Variants in PRKG2 observed in about 807,000 individuals in gnomAD.
PRKG2 encodes protein kinase cGMP-dependent 2.
Under a neutral mutation model 97.2 loss-of-function variants are expected in PRKG2, and 33 were observed. That is an observed-to-expected ratio of 0.34 (90% confidence interval 0.26 to 0.45). The LOEUF (loss-of-function observed/expected upper bound fraction) is 0.45. Among genes scored for constraint, PRKG2 ranks in the 20% least tolerant of loss-of-function variants. The probability of loss-of-function intolerance (pLI) is 1.00; values close to 1 mark genes in which losing one functional copy is unlikely to be tolerated. For missense variants in PRKG2, 638 were observed against 900.0 expected (o/e 0.71, Z 3.73); for synonymous variants, 330 against 321.8 (o/e 1.03, Z -0.27).
intron 2 of PRKG2, among the ~76,000 whole-genome samples, chr4:81,188,348 G>A (rs1221530011): frequency 6.7e-6 from 1 of 149,402 alleles, no homozygotes; most frequent in Non-Finnish European, 1.5e-5. Flanking sequence ...AGTTAGAATG[G>A]CAATCATTAA....
chr4:81,173,739 A>T (rs1055761949), intron 3 of PRKG2: 14 of 152,006 alleles, frequency 9.2e-5, no homozygotes, highest in African/African-American at 3.4e-4. Context: ...AGAATAATAC[A>T]TGTTTATTAA....
intron 14 of PRKG2, among the ~76,000 whole-genome samples, chr4:81,125,034 C>T (rs1208439900): frequency 2.6e-5 from 4 of 152,026 alleles, no homozygotes; most frequent in African/African-American, 9.7e-5. Flanking sequence ...TTTCATTTCT[C>T]TTTCTTATGT....
intron 8 of PRKG2, among the ~76,000 whole-genome samples, chr4:81,151,674 A>G (rs1173361165): frequency 1.3e-5 from 2 of 152,062 alleles, no homozygotes; most frequent in Non-Finnish European, 2.9e-5. Flanking sequence ...TACAAGTGTA[A>G]TTTTTCCATT....
intron 14 of PRKG2, among the ~76,000 whole-genome samples, chr4:81,114,864 C>T (rs1420944392): frequency 6.6e-6 from 1 of 152,022 alleles, no homozygotes; most frequent in Non-Finnish European, 1.5e-5. Context: ...TCCTTAAATA[C>T]TTTATAGTTT....
chr4:81,137,511 T>A (rs774328427), intron 12 of PRKG2, 29 bp from the exon 13 acceptor site: 1 of 1,554,132 alleles, frequency 6.4e-7, no homozygotes, highest in African/African-American at 1.4e-5. Flanking sequence ...ACATGGTTAT[T>A]ATTGGAAATC....
chr4:81,174,997 G>A (rs1396114360), intron 2 of PRKG2, 38 bp from the exon 3 acceptor site: 2 of 1,507,378 alleles, frequency 1.3e-6, no homozygotes, highest in Non-Finnish European at 1.8e-6. Flanking sequence ...TACAATTAAT[G>A]AAAATCATGT....
At chr4:81,118,339 C>G (rs761148860) in intron 14 of PRKG2, among the ~76,000 whole-genome samples, 4 of 152,182 alleles carry the variant, frequency 2.6e-5, no homozygotes, top group Non-Finnish European at 4.4e-5. Context: ...TTTTCAACTG[C>G]TTTCCATGAA....
At chr4:81,164,555 G>A (rs1376956160) in intron 6 of PRKG2, among the ~76,000 whole-genome samples, 1 of 151,980 alleles carries the variant, frequency 6.6e-6, no homozygotes, top group Non-Finnish European at 1.5e-5. Context: ...AGAGGCAGAC[G>A]GTTGCAAACT....
At chr4:81,160,675 T>A (rs1560592244) in intron 6 of PRKG2, among the ~76,000 whole-genome samples, 1 of 152,154 alleles carries the variant, frequency 6.6e-6, no homozygotes, top group African/African-American at 2.4e-5. Flanking sequence ...AACATTGACA[T>A]TGGAAATTTT....
At chr4:81,213,300 G>A (rs1754102709) in intron 1 of PRKG2, among the ~76,000 whole-genome samples, 1 of 152,184 alleles carries the variant, frequency 6.6e-6, no homozygotes, top group Non-Finnish European at 1.5e-5. Flanking sequence ...TGTTACCTAT[G>A]AACATATAGG....
chr4:81,161,154 C>T (rs1560592506), intron 6 of PRKG2, among the ~76,000 whole-genome samples: 1 of 152,214 alleles, frequency 6.6e-6, no homozygotes, highest in East Asian at 1.9e-4. Flanking sequence ...ACTCCTAATA[C>T]TAACAAACAT....
Position 81,160,466 on chromosome 4 carries a change from A to T in PRKG2, c.912+6695T>A, listed in dbSNP as rs116347358. On this transcript the variant is annotated intron_variant, in intron 6 of 18. Transcript: ENST00000264399. ...CTTTCACCTGCATAATCTAAATATA[A>T]ACTGTTTGGTGATCAGCAACATTCT... Among the ~76,000 whole-genome samples the T allele has an allele frequency of 5.9e-3, 903 of 152,288 alleles. 5 individuals carry two copies. Among genetic ancestry groups the T allele is most frequent in the African/African-American group, 0.02 (847 of 41,556 alleles).
At chr4:81,126,638 CT>C (rs34378440) in intron 14 of PRKG2, among the ~76,000 whole-genome samples, 5 of 152,214 alleles carry the variant, frequency 3.3e-5, no homozygotes, top group African/African-American at 9.6e-5. Context: ...TGATGATGAG[CT>C]TTCTTTCATA....
chr4:81,122,336 G>C (rs1240744090), intron 14 of PRKG2, among the ~76,000 whole-genome samples: 1 of 152,092 alleles, frequency 6.6e-6, no homozygotes, highest in Non-Finnish European at 1.5e-5. Context: ...CTCTGGGATG[G>C]GCAGGAAAGA....
intron 2 of PRKG2, among the ~76,000 whole-genome samples, chr4:81,202,331 G>A (rs1161068902): frequency 6.6e-6 from 1 of 152,124 alleles, no homozygotes; most frequent in Non-Finnish European, 1.5e-5. Flanking sequence ...AATTTATAAA[G>A]TTAACTATTT....
intron 7 of PRKG2, among the ~76,000 whole-genome samples, chr4:81,152,566 GCAAT>G (rs1748520132): frequency 6.6e-6 from 1 of 152,116 alleles, no homozygotes; most frequent in Admixed American, 6.5e-5. Flanking sequence ...GCATCTCAAA[GCAAT>G]CTGTTGCCCA....
At chr4:81,172,340 C>T (rs896946714) in intron 3 of PRKG2, among the ~76,000 whole-genome samples, 2 of 151,976 alleles carry the variant, frequency 1.3e-5, no homozygotes, top group East Asian at 1.9e-4. Context: ...AATGACAACC[C>T]GTCATAACCA....
intron 4 of PRKG2, 124 bp downstream of exon 4, chr4:81,171,567 T>C: frequency 1.6e-6 from 1 of 640,552 alleles, no homozygotes; most frequent in Non-Finnish European, 2.5e-6. Flanking sequence ...ATAGCATTTC[T>C]ATTATAAGAA....
chr4:81,203,726 G>C (rs112073916), intron 2 of PRKG2, among the ~76,000 whole-genome samples: 6 of 150,330 alleles, frequency 4.0e-5, no homozygotes, highest in Non-Finnish European at 8.9e-5. Context: ...ACATGTGTGC[G>C]CACACACACA....
Sources: allele counts gnomAD v4.1 joint callset (sites outside exome capture counted in the v4.1 genomes callset), GRCh38; gene constraint gnomAD v4.1.1; transcripts MANE v1.5; gene names NCBI Gene and HGNC (gene_info 2026-07-23, HGNC 2026-07-21).